The following MAGI2 variants were observed in gnomAD, a reference collection of about 807,000 sequenced individuals.
MAGI2 encodes membrane-associated guanylate kinase, WW and PDZ domain-containing protein 2.
Under a neutral mutation model 133.3 loss-of-function variants are expected in MAGI2, and 35 were observed. That is an observed-to-expected ratio of 0.26 (90% CI 0.20 to 0.35). The LOEUF (loss-of-function observed/expected upper bound fraction) is 0.35. Among genes scored for constraint, MAGI2 ranks in the 10% least tolerant of loss-of-function variants. MAGI2 has a pLI of 1.00. For missense variants in MAGI2, 1,636 were observed against 1,863.4 expected (o/e 0.88, Z 2.25); for synonymous variants, 729 against 710.6 (o/e 1.03, Z -0.41).
intron 10 of MAGI2, chr7:78,253,504 T>G (rs1033190603): frequency 7.3e-6 from 1 of 137,400 alleles, no homozygotes; most frequent in African/African-American, 3.0e-5. Flanking sequence ...GGTATGTAAA[T>G]TATATCACAT....
At chr7:78,057,922 T>A (rs1812761887) in intron 21 of MAGI2, among the ~76,000 whole-genome samples, 1 of 148,042 alleles carries the variant, frequency 6.8e-6, no homozygotes, top group South Asian at 2.2e-4. Context: ...ACTGAACAGA[T>A]GTATTTTACT....
chr7:79,364,469 CTT>C (rs1479254928), intron 1 of MAGI2, among the ~76,000 whole-genome samples: 2 of 151,944 alleles, frequency 1.3e-5, no homozygotes, highest in Non-Finnish European at 2.9e-5. Context: ...TATATAACGA[CTT>C]TATTTTTACA....
intron 10 of MAGI2, among the ~76,000 whole-genome samples, chr7:78,250,940 A>G (rs1245329592): frequency 2.0e-5 from 3 of 152,116 alleles, no homozygotes; most frequent in African/African-American, 7.2e-5. Context: ...ACATGAAAAG[A>G]AAACAACAGA....
intron 1 of MAGI2, among the ~76,000 whole-genome samples, chr7:79,291,859 G>A (rs1563083738): frequency 6.6e-6 from 1 of 151,920 alleles, no homozygotes; most frequent in Non-Finnish European, 1.5e-5. Context: ...CACCCATTCT[G>A]TGAACTGTCA....
At position 78,546,278 on chromosome 7, in the gene MAGI2, A is replaced by AG. The variant is rs1798827499; in HGVS notation, c.539-24634_539-24633insC. On this transcript the variant is annotated intron_variant, in intron 3 of 21. Coordinates refer to ENST00000354212, the MANE Select transcript of MAGI2 (RefSeq NM_012301.4). Reference sequence around the variant, plus strand: ...TATTTGTACTGCTACTACTTCTAGTACCTCTGCTACCACCACCACTATCAT... The same window carrying AG: ...TATTTGTACTGCTACTACTTCTAGTAGCCTCTGCTACCACCACCACTATCAT... 2.0e-5 allele frequency among the ~76,000 whole-genome samples: 3 copies of AG among 152,310 alleles called. No homozygotes were observed. The South Asian group carries it at 6.2e-4, about 32-fold the overall frequency.
At chr7:78,557,092 A>AAAAAAAAAG (rs1799908124) in intron 3 of MAGI2, among the ~76,000 whole-genome samples, 3 of 147,100 alleles carry the variant, frequency 2.0e-5, no homozygotes, top group Non-Finnish European at 4.4e-5. Flanking sequence ...AAAAAAAAAA[A>AAAAAAAAAG]AAAAAAAAGA....
intron 20 of MAGI2, among the ~76,000 whole-genome samples, chr7:78,124,949 G>A (rs533009817): frequency 4.7e-4 from 70 of 147,456 alleles, no homozygotes; most frequent in Non-Finnish European, 9.3e-4. Flanking sequence ...TGCAACCTCC[G>A]CCTCCCTGGG....
chr7:78,820,025 G>C (rs1789950676), intron 2 of MAGI2, among the ~76,000 whole-genome samples: 1 of 151,988 alleles, frequency 6.6e-6, no homozygotes. Flanking sequence ...GGCAGGAAGA[G>C]TGAATCAGAT....
intron 6 of MAGI2, among the ~76,000 whole-genome samples, chr7:78,432,126 AT>A (rs981236981): frequency 6.6e-6 from 1 of 151,478 alleles, no homozygotes; most frequent in Non-Finnish European, 1.5e-5. Flanking sequence ...TAAATTATTA[AT>A]TTTTTTTATC....
chr7:79,049,302 G>A (rs572304052), intron 1 of MAGI2, among the ~76,000 whole-genome samples: 1 of 152,044 alleles, frequency 6.6e-6, no homozygotes, highest in Non-Finnish European at 1.5e-5. Flanking sequence ...CCATCAAAGA[G>A]CTCACAGTTC....
At chr7:78,448,628 A>G (rs563612856) in intron 6 of MAGI2, among the ~76,000 whole-genome samples, 17 of 152,228 alleles carry the variant, frequency 1.1e-4, no homozygotes, top group African/African-American at 3.1e-4. Context: ...TGCCATTTCA[A>G]AAAATTCTCT....
intron 2 of MAGI2, among the ~76,000 whole-genome samples, chr7:78,914,948 C>T (rs953656063): frequency 1.4e-4 from 22 of 151,840 alleles, no homozygotes; most frequent in Non-Finnish European, 5.9e-5. Context: ...ATCAGAATAG[C>T]GGGTAGAAAA....
At chr7:78,434,457 G>T (rs1003510672) in intron 6 of MAGI2, among the ~76,000 whole-genome samples, 2 of 152,160 alleles carry the variant, frequency 1.3e-5, no homozygotes, top group African/African-American at 4.8e-5. Context: ...ACAGGGTAGG[G>T]GTTCACTGGC....
intron 2 of MAGI2, among the ~76,000 whole-genome samples, chr7:78,784,831 T>C (rs562063857): frequency 6.3e-4 from 96 of 152,374 alleles, no homozygotes; most frequent in Non-Finnish European, 1.2e-3. Flanking sequence ...TATGCTTTTC[T>C]CTTGTTAACC....
At chr7:78,847,352 C>T (rs1212447525) in intron 2 of MAGI2, among the ~76,000 whole-genome samples, 2 of 151,874 alleles carry the variant, frequency 1.3e-5, no homozygotes, top group African/African-American at 4.8e-5. Context: ...ACTAAAAAGG[C>T]TCGTGGCTTG....
At chr7:79,111,442 A>C (rs924006937) in intron 1 of MAGI2, among the ~76,000 whole-genome samples, 1 of 152,188 alleles carries the variant, frequency 6.6e-6, no homozygotes, top group Non-Finnish European at 1.5e-5. Flanking sequence ...GGAAAGAATA[A>C]ATTATCATTT....
chr7:78,535,039 A>G (rs1039118418), intron 3 of MAGI2, among the ~76,000 whole-genome samples: 1 of 152,130 alleles, frequency 6.6e-6, no homozygotes, highest in African/African-American at 2.4e-5. Context: ...AGGCTGAGGC[A>G]GAGAAATGCT....
rs1816867048 is a variant in MAGI2, at chr7:79,089,601, A to T, written c.302-82395T>A. Reference sequence around the variant, plus strand: ...ACTGGATAAAGAAAATGTGGCACATATACACCATGGAATACTATGCAACCA... The same window carrying T: ...ACTGGATAAAGAAAATGTGGCACATTTACACCATGGAATACTATGCAACCA... On this transcript the variant is annotated intron_variant, in intron 1 of 21. Coordinates refer to ENST00000354212, the MANE Select transcript of MAGI2 (RefSeq NM_012301.4). Among the ~76,000 whole-genome samples, 3 of 152,284 alleles carry T rather than the reference A, an allele frequency of 2.0e-5. No homozygotes were observed. The South Asian group carries it at 6.2e-4, about 32-fold the overall frequency.
chr7:79,013,447 G>T (rs946247783), intron 1 of MAGI2, among the ~76,000 whole-genome samples: 16 of 152,156 alleles, frequency 1.1e-4, no homozygotes, highest in Admixed American at 9.8e-4. Flanking sequence ...AACCGCAAAT[G>T]TACCTTAGGT....
Sources: gnomAD v4.1 joint callset for allele counts (sites outside exome capture counted in the v4.1 genomes callset) on GRCh38, gnomAD v4.1.1 for gene constraint, MANE v1.5 for transcripts, NCBI Gene and HGNC (gene_info 2026-07-23, HGNC 2026-07-21) for gene names.